The following HECW2 variants were observed in gnomAD, a reference collection of about 807,000 sequenced individuals.
HECW2 encodes the protein HECT, C2 and WW domain containing E3 ubiquitin protein ligase 2, also known as E3 ubiquitin-protein ligase HECW2.
HECW2 carries 61 observed loss-of-function variants against 175.2 expected under a neutral mutation model. That is an observed-to-expected ratio of 0.35 (90% CI 0.28 to 0.43). The LOEUF (loss-of-function observed/expected upper bound fraction) is 0.43, where lower values mean the gene tolerates loss of function less well. Among genes scored for constraint, HECW2 ranks in the 20% least tolerant of loss-of-function variants. The pLI is 1.00. For missense variants in HECW2, 1,524 were observed against 2,000.5 expected, an observed-to-expected ratio of 0.76 and a Z score of 4.54; for synonymous variants, 671 against 731.0, an observed-to-expected ratio of 0.92 and a Z score of 1.32.
At chr2:196,309,214 G>T (rs1191820023) in intron 10 of HECW2, among the ~76,000 whole-genome samples, 5 of 152,198 alleles carry the variant, frequency 3.3e-5, no homozygotes, top group Non-Finnish European at 7.3e-5. Context: ...GTAGAGCTCA[G>T]CCTGCACCAG....
chr2:196,343,833 T>G, intron 2 of HECW2, 69 bp from the exon 3 acceptor site: 1 of 972,826 alleles, frequency 1.0e-6, no homozygotes, highest in Non-Finnish European at 1.6e-6. Flanking sequence ...AAGATTAACA[T>G]AAGTTCTAAA....
chr2:196,438,863 T>G (rs1377973637), intron 1 of HECW2, among the ~76,000 whole-genome samples: 1 of 152,222 alleles, frequency 6.6e-6, no homozygotes, highest in African/African-American at 2.4e-5. Context: ...GCTTCTTTTC[T>G]TCTACCCTGA....
At chr2:196,363,781 G>A (rs1415658211) in intron 2 of HECW2, among the ~76,000 whole-genome samples, 1 of 152,160 alleles carries the variant, frequency 6.6e-6, no homozygotes, top group Non-Finnish European at 1.5e-5. Flanking sequence ...CTACAATCCT[G>A]CCAATGCTAA....
intron 10 of HECW2, among the ~76,000 whole-genome samples, chr2:196,312,443 T>C (rs1229642680): frequency 1.3e-5 from 2 of 152,246 alleles, no homozygotes; most frequent in Admixed American, 1.3e-4. Flanking sequence ...AGCTTTGTGA[T>C]AAATGACAGA....
intron 1 of HECW2, among the ~76,000 whole-genome samples, chr2:196,588,112 G>A (rs562230660): frequency 4.6e-5 from 7 of 152,064 alleles, no homozygotes; most frequent in Non-Finnish European, 8.8e-5. Flanking sequence ...TTCTTCCAAA[G>A]CACTCATCTC....
At chr2:196,481,043 T>C (rs926015065) in intron 1 of HECW2, among the ~76,000 whole-genome samples, 2 of 152,262 alleles carry the variant, frequency 1.3e-5, no homozygotes, top group South Asian at 2.1e-4. Context: ...TTATCACTTG[T>C]AGTCAGTAGA....
At position 196,306,619 on chromosome 2, in the gene HECW2, G is replaced by A. The variant is rs766665138; in HGVS notation, c.2690-7C>T. 1.9e-6 allele frequency: 3 copies of A among 1,608,650 alleles called. No individual in the cohort carries two copies. The highest frequency in any genetic ancestry group is 2.2e-5 in the South Asian group (2 of 90,208). Reference sequence around the variant, plus strand: ...ATGTTCTCCCGTCGGAAATCTAGATGGGGCAGACCACAGAGGCGGTCAGGG... The same window carrying A: ...ATGTTCTCCCGTCGGAAATCTAGATAGGGCAGACCACAGAGGCGGTCAGGG... On this transcript the variant is annotated splice_polypyrimidine_tract_variant and splice_region_variant and intron_variant, in intron 12 of 28. Coordinates refer to ENST00000644978, the MANE Select transcript of HECW2 (RefSeq NM_001348768.2).
At chr2:196,329,961 T>C (rs550154494) in intron 4 of HECW2, among the ~76,000 whole-genome samples, 5 of 152,346 alleles carry the variant, frequency 3.3e-5, no homozygotes, top group Admixed American at 2.6e-4. Flanking sequence ...TTACTATTAC[T>C]ATATTAAACA....
chr2:196,543,020 TAC>T (rs939934077), intron 1 of HECW2, among the ~76,000 whole-genome samples: 29 of 148,652 alleles, frequency 2.0e-4, no homozygotes, highest in South Asian at 4.2e-4. Flanking sequence ...TCAGTTGTAA[TAC>T]ACACACACAC....
At chr2:196,278,975 CT>C (rs1690082608) in intron 14 of HECW2, among the ~76,000 whole-genome samples, 1 of 152,048 alleles carries the variant, frequency 6.6e-6, no homozygotes, top group African/African-American at 2.4e-5. Context: ...TTAGGCTTCT[CT>C]TAACTGATGG....
intron 4 of HECW2, among the ~76,000 whole-genome samples, chr2:196,330,553 C>T (rs1283560304): frequency 1.3e-5 from 2 of 152,112 alleles, no homozygotes; most frequent in Non-Finnish European, 2.9e-5. Flanking sequence ...GGGCTTTTAT[C>T]TCCATCCTTA....
intron 1 of HECW2, among the ~76,000 whole-genome samples, chr2:196,519,520 A>C (rs1434455382): frequency 2.0e-5 from 3 of 152,244 alleles, no homozygotes; most frequent in African/African-American, 7.2e-5. Flanking sequence ...GAAACTGCTT[A>C]AATAAAAGTA....
At chr2:196,209,013 G>A (rs1687168401) in intron 28 of HECW2, among the ~76,000 whole-genome samples, 1 of 152,212 alleles carries the variant, frequency 6.6e-6, no homozygotes, top group African/African-American at 2.4e-5. Flanking sequence ...TCCAGGTGAG[G>A]GGGGATGGTG....
intron 2 of HECW2, among the ~76,000 whole-genome samples, chr2:196,353,389 C>T (rs1033312516): frequency 6.6e-6 from 1 of 152,220 alleles, no homozygotes; most frequent in African/African-American, 2.4e-5. Context: ...TTCTCACATA[C>T]TCTATAAGAA....
At chr2:196,477,578 A>T (rs944755535) in intron 1 of HECW2, among the ~76,000 whole-genome samples, 5 of 152,334 alleles carry the variant, frequency 3.3e-5, no homozygotes, top group Admixed American at 1.3e-4. Flanking sequence ...TATGCTATTA[A>T]TTTATCTCCC....
chr2:196,483,455 C>G (rs1686908652), intron 1 of HECW2, among the ~76,000 whole-genome samples: 1 of 152,166 alleles, frequency 6.6e-6, no homozygotes, highest in African/African-American at 2.4e-5. Flanking sequence ...ACATCTAACC[C>G]TGCTGAGTGG....
chr2:196,298,850 A>C (rs1024454336), intron 13 of HECW2, among the ~76,000 whole-genome samples: 1 of 152,266 alleles, frequency 6.6e-6, no homozygotes, highest in East Asian at 1.9e-4. Flanking sequence ...CGAACAGGGA[A>C]GTAACTGAAA....
At chr2:196,346,982 T>C (rs1157927020) in intron 2 of HECW2, among the ~76,000 whole-genome samples, 1 of 139,178 alleles carries the variant, frequency 7.2e-6, no homozygotes, top group Non-Finnish European at 1.5e-5. Context: ...TACTCTAGCC[T>C]GGGCGACAGA....
At chr2:196,403,150 A>G (rs1292598127) in intron 2 of HECW2, among the ~76,000 whole-genome samples, 1 of 152,154 alleles carries the variant, frequency 6.6e-6, no homozygotes, top group Non-Finnish European at 1.5e-5. Flanking sequence ...ACTGATGACC[A>G]ATTTTAACTG....
Sources: gnomAD v4.1 joint callset for allele counts (sites outside exome capture counted in the v4.1 genomes callset) on GRCh38, gnomAD v4.1.1 for gene constraint, MANE v1.5 for transcripts, NCBI Gene and HGNC (gene_info 2026-07-23, HGNC 2026-07-21) for gene names.